Variants in PAMR1 observed in about 807,000 individuals in gnomAD.
PAMR1 encodes the protein peptidase domain containing associated with muscle regeneration 1.
Under a neutral mutation model 81.8 loss-of-function variants are expected in PAMR1, and 88 were observed. The ratio of observed to expected loss-of-function variants is 1.08; its 90% CI spans 0.91 to 1.28. PAMR1 has a LOEUF of 1.28. PAMR1 is among the 50% of genes most tolerant of loss of function. PAMR1 has a pLI of 0.00. For synonymous variants in PAMR1, 336 were observed against 345.3 expected (o/e 0.97, Z 0.30); for missense variants, 935 against 919.7 (o/e 1.02, Z -0.21).
At chr11:35,459,374 T>A (rs1856603255) in intron 6 of PAMR1, among the ~76,000 whole-genome samples, 1 of 151,874 alleles carries the variant, frequency 6.6e-6, no homozygotes. Context: ...ATGGGTAGCC[T>A]ATGTATGTGT....
intron 6 of PAMR1, among the ~76,000 whole-genome samples, chr11:35,454,441 T>C (rs1038173894): frequency 3.3e-5 from 5 of 152,158 alleles, no homozygotes; most frequent in African/African-American, 1.2e-4. Context: ...TGAGATCAGG[T>C]TGAGTCTGGG....
intron 6 of PAMR1, among the ~76,000 whole-genome samples, chr11:35,451,370 C>G (rs1856415449): frequency 6.6e-6 from 1 of 152,228 alleles, no homozygotes; most frequent in South Asian, 2.1e-4. Flanking sequence ...TCAGGACATA[C>G]AAACACCTCT....
intron 1 of PAMR1, among the ~76,000 whole-genome samples, chr11:35,502,328 T>C (rs1025999638): frequency 6.6e-6 from 1 of 152,184 alleles, no homozygotes; most frequent in East Asian, 1.9e-4. Flanking sequence ...ACATGTGCCA[T>C]GATGGTTTGC....
At chr11:35,454,876 C>A (rs1382260596) in intron 6 of PAMR1, among the ~76,000 whole-genome samples, 1 of 152,154 alleles carries the variant, frequency 6.6e-6, no homozygotes, top group East Asian at 1.9e-4. Flanking sequence ...AGATGTTTTA[C>A]CTGAAAGAAT....
At chr11:35,432,926 G>A in intron 10 of PAMR1, 34 bp from the exon 11 acceptor site, 1 of 1,528,502 alleles carries the variant, frequency 6.5e-7, no homozygotes, top group Admixed American at 1.9e-5. Context: ...CAATGGTGAG[G>A]AGCCAGCTCC....
chr11:35,500,937 T>C (rs955463060), intron 1 of PAMR1, among the ~76,000 whole-genome samples: 1 of 152,144 alleles, frequency 6.6e-6, no homozygotes, highest in Admixed American at 6.5e-5. Flanking sequence ...TGAACAGAGC[T>C]TGCAGGACTG....
chr11:35,515,891 G>A (rs571984419), intron 1 of PAMR1, among the ~76,000 whole-genome samples: 129 of 152,054 alleles, frequency 8.5e-4, no homozygotes, highest in African/African-American at 3.1e-3. Context: ...TGGGACTTTG[G>A]CCTGAAAAAG....
intron 2 of PAMR1, among the ~76,000 whole-genome samples, chr11:35,493,460 C>T (rs901243804): frequency 3.3e-4 from 50 of 152,012 alleles, no homozygotes; most frequent in Non-Finnish European, 4.3e-4. Context: ...TCCATCTATC[C>T]AGGTCTCTCA....
chr11:35,520,723 T>C (rs1851255142), intron 1 of PAMR1, among the ~76,000 whole-genome samples: 1 of 152,154 alleles, frequency 6.6e-6, no homozygotes, highest in Admixed American at 6.6e-5. Flanking sequence ...CAATATTCCC[T>C]CATTTATCAT....
chr11:35,469,997 T>C (rs563491786), intron 5 of PAMR1, among the ~76,000 whole-genome samples: 4 of 152,178 alleles, frequency 2.6e-5, no homozygotes, highest in African/African-American at 7.2e-5. Flanking sequence ...CAATGACATT[T>C]ACCATTATAG....
At chr11:35,490,069 G>A (rs1217156443) in intron 3 of PAMR1, among the ~76,000 whole-genome samples, 1 of 152,168 alleles carries the variant, frequency 6.6e-6, no homozygotes, top group Non-Finnish European at 1.5e-5. Context: ...AGAAGGCAAG[G>A]GAGAAGCAAA....
rs190460082 is a variant in PAMR1 at position 35,452,854 on chromosome 11, A to G, written c.821-11161T>C. The stretch of plus-strand genomic sequence containing the variant: ...ATATCTTGTCTAATCATAGAGTAAT[A>G]TAATTTTCTATGAAATTATTTAAAT... On this transcript the variant is annotated intron_variant, in intron 6 of 10. Transcript: ENST00000619888. 2.0e-3 allele frequency among the ~76,000 whole-genome samples: 308 copies of G among 152,312 alleles called. 5 individuals are homozygous for G. The highest frequency in any genetic ancestry group is 4.9e-4 in the Non-Finnish European group (33 of 68,032).
At chr11:35,448,045 C>T (rs1856334325) in intron 6 of PAMR1, among the ~76,000 whole-genome samples, 1 of 152,132 alleles carries the variant, frequency 6.6e-6, no homozygotes, top group Admixed American at 6.5e-5. Context: ...TTGTAGGTGA[C>T]CTTGCCTTTC....
chr11:35,471,270 C>T (rs1332365017), intron 4 of PAMR1, among the ~76,000 whole-genome samples: 1 of 152,164 alleles, frequency 6.6e-6, no homozygotes, highest in Non-Finnish European at 1.5e-5. Context: ...ACCTCCTTGA[C>T]TTTTTGTGTG....
In PAMR1 at chr11:35,432,625, C is replaced by T. The variant is rs1565321419; in HGVS notation, c.1894G>A (p.Glu632Lys). ...GGGATGCCATGGTCCTCATGCTGCTCCTCACACAGCAGCGAGTCCACCACA... is the reference window on the plus strand; with the variant it reads ...GGGATGCCATGGTCCTCATGCTGCTTCTCACACAGCAGCGAGTCCACCACA... ...VSVVDSLLCE[E>K]QHEDHGIPVS... The change falls in exon 11 of 11, where the codon GAG becomes AAG. Residue 632 changes from glutamate to lysine, a missense_variant. Glu to Lys is a moderately conservative substitution (Grantham distance 56, BLOSUM62 1). Coordinates refer to ENST00000619888, the MANE Select transcript of PAMR1 (RefSeq NM_001001991.3). The T allele has an allele frequency of 6.2e-7, 1 of 1,614,090 alleles. No homozygotes were observed. The highest frequency in any genetic ancestry group is 8.5e-7 in the Non-Finnish European group (1 of 1,179,970).
At chr11:35,445,212 G>T (rs1161079541) in intron 6 of PAMR1, among the ~76,000 whole-genome samples, 2 of 152,230 alleles carry the variant, frequency 1.3e-5, no homozygotes, top group Non-Finnish European at 2.9e-5. Context: ...CTTTGCTGAA[G>T]TTGCTTATCA....
chr11:35,474,635 T>C lies in PAMR1; in HGVS notation c.489A>G (p.Gln163=), dbSNP rs1003090228. The C allele has an allele frequency of 1.3e-6, 2 of 1,587,710 alleles. No homozygotes were observed. The highest frequency in any genetic ancestry group is 1.4e-5 in the African/African-American group (1 of 73,798). ...TTCTGGCCCCAGCTCCTTACCTTAG[T>C]TGGATGACAAACCCAGGTTTAGCAT... The part of the protein sequence containing the change: ...TIHAKPGFVI[Q]LRFVMLSLEF... Residue 163 remains glutamine, a synonymous_variant, in exon 4 of 11, where the codon CAA becomes CAG. Transcript: ENST00000619888.
chr11:35,447,407 T>C (rs1452124167), intron 6 of PAMR1, among the ~76,000 whole-genome samples: 32 of 152,122 alleles, frequency 2.1e-4, no homozygotes. Context: ...GGTTTCGCCA[T>C]GTTAGCCAGG....
intron 3 of PAMR1, among the ~76,000 whole-genome samples, chr11:35,491,606 C>T (rs1056068178): frequency 2.6e-5 from 4 of 152,196 alleles, no homozygotes; most frequent in Non-Finnish European, 5.9e-5. Context: ...GAAAGAATCT[C>T]TTTCCTCGGA....
Sources: allele counts gnomAD v4.1 joint callset (sites outside exome capture counted in the v4.1 genomes callset), GRCh38; gene constraint gnomAD v4.1.1; transcripts MANE v1.5; gene names NCBI Gene and HGNC (gene_info 2026-07-23, HGNC 2026-07-21).